BPTF: variants seen among roughly 807,000 people sequenced by gnomAD.
The protein encoded by BPTF is nucleosome-remodeling factor subunit BPTF.
In BPTF, 18 loss-of-function variants were observed where a neutral mutation model predicts 292.5. That is an observed-to-expected ratio of 0.06 (90% CI 0.04 to 0.09). The LOEUF (loss-of-function observed/expected upper bound fraction) is 0.09. Among genes scored for constraint, BPTF ranks in the 10% least tolerant of loss-of-function variants. The pLI is 1.00. For synonymous variants in BPTF, 1,225 were observed against 1,251.9 expected (o/e 0.98, Z 0.45); for missense variants, 2,726 against 3,498.7 (o/e 0.78, Z 5.57).
At chr17:67,952,596 C>T (rs565542455) in intron 23 of BPTF, among the ~76,000 whole-genome samples, 1 of 152,278 alleles carries the variant, frequency 6.6e-6, no homozygotes, top group African/African-American at 2.4e-5. Context: ...GTTTTACGTG[C>T]AGAACGTACA....
At chr17:67,922,085 G>C (rs2063490427) in intron 13 of BPTF, among the ~76,000 whole-genome samples, 1 of 151,946 alleles carries the variant, frequency 6.6e-6, no homozygotes, top group African/African-American at 2.4e-5. Context: ...CTCTGTTGAT[G>C]GGCAGAGACA....
chr17:67,892,679 A>G (rs1334266481), intron 5 of BPTF, among the ~76,000 whole-genome samples: 1 of 152,204 alleles, frequency 6.6e-6, no homozygotes, highest in Non-Finnish European at 1.5e-5. Flanking sequence ...TGGCTTTCAT[A>G]CTTCTTTTTG....
intron 3 of BPTF, among the ~76,000 whole-genome samples, chr17:67,869,989 G>A (rs867461036): frequency 7.7e-6 from 1 of 129,644 alleles, no homozygotes; most frequent in South Asian, 2.4e-4. Flanking sequence ...GACACAGAGC[G>A]AGACTCCGTC....
chr17:67,859,371 C>A (rs2058936504), intron 2 of BPTF, among the ~76,000 whole-genome samples: 1 of 152,162 alleles, frequency 6.6e-6, no homozygotes, highest in African/African-American at 2.4e-5. Context: ...GTCTCAAACT[C>A]CTGGGTTCAG....
At chr17:67,846,759 G>A (rs1227420180) in intron 1 of BPTF, among the ~76,000 whole-genome samples, 1 of 152,126 alleles carries the variant, frequency 6.6e-6, no homozygotes, top group Non-Finnish European at 1.5e-5. Context: ...GGAGTGCGGT[G>A]GTACAGTCTG....
At chr17:67,920,228 CTG>C in intron 13 of BPTF, 85 bp downstream of exon 13, 1 of 1,451,328 alleles carries the variant, frequency 6.9e-7, no homozygotes, top group Middle Eastern at 1.9e-4. Flanking sequence ...TTTTTCTTCT[CTG>C]TTCACCTTTT....
At chr17:67,914,785 A>G (rs1473858529) in intron 11 of BPTF, among the ~76,000 whole-genome samples, 2 of 152,152 alleles carry the variant, frequency 1.3e-5, no homozygotes, top group African/African-American at 4.8e-5. Context: ...CTGGAGCTGA[A>G]TTTCATGTCT....
At chr17:67,865,059 GCCT>G (rs1434549312) in intron 2 of BPTF, among the ~76,000 whole-genome samples, 1 of 152,124 alleles carries the variant, frequency 6.6e-6, no homozygotes, top group Non-Finnish European at 1.5e-5. Context: ...GCCCGCCTCA[GCCT>G]CCCAAAGTGC....
intron 7 of BPTF, among the ~76,000 whole-genome samples, chr17:67,895,549 C>A (rs1036261909): frequency 1.3e-5 from 2 of 150,922 alleles, no homozygotes; most frequent in Admixed American, 6.6e-5. Context: ...GCAGCCTTGA[C>A]CTCCCTGGGC....
At chr17:67,920,183 A>G (rs1378361613) in intron 13 of BPTF, 40 bp downstream of exon 13, 2 of 1,564,780 alleles carry the variant, frequency 1.3e-6, no homozygotes, top group East Asian at 4.5e-5. Context: ...TTAACCTGTT[A>G]ACCATGTATT....
intron 1 of BPTF, among the ~76,000 whole-genome samples, chr17:67,826,623 A>T (rs1280161402): frequency 7.8e-6 from 1 of 127,644 alleles, no homozygotes; most frequent in Non-Finnish European, 1.6e-5. Flanking sequence ...AATTTGTGCC[A>T]GTGCAGTGTC....
intron 1 of BPTF, among the ~76,000 whole-genome samples, chr17:67,828,741 T>A (rs1480144783): frequency 6.6e-6 from 1 of 152,202 alleles, no homozygotes; most frequent in Non-Finnish European, 1.5e-5. Context: ...TTGGTCAGGC[T>A]GGTCTTGAAC....
chr17:67,844,944 T>C (rs1013360667), intron 1 of BPTF, among the ~76,000 whole-genome samples: 1 of 152,106 alleles, frequency 6.6e-6, no homozygotes, highest in African/African-American at 2.4e-5. Flanking sequence ...CGTTTCTTCA[T>C]GTTGGTCAGG....
intron 13 of BPTF, among the ~76,000 whole-genome samples, chr17:67,921,747 A>G (rs2063459068): frequency 6.6e-6 from 1 of 151,760 alleles, no homozygotes; most frequent in Admixed American, 6.6e-5. Flanking sequence ...TACTTAAAAC[A>G]GCGGCCAGGT....
At chr17:67,830,058 C>G (rs1233695346) in intron 1 of BPTF, among the ~76,000 whole-genome samples, 2 of 152,130 alleles carry the variant, frequency 1.3e-5, no homozygotes, top group African/African-American at 4.8e-5. Flanking sequence ...TTCATTTTTA[C>G]TTTTTAAATT....
rs373959573 is a variant in BPTF, at chr17:67,950,045, C to G, written c.7926+1739C>G. 2.9e-4 allele frequency among the ~76,000 whole-genome samples: 22 copies of G among 77,084 alleles called. 1 individual carries two copies. The highest frequency in any genetic ancestry group is 1.3e-3 in the South Asian group (2 of 1,504). 50.6% of individuals were successfully genotyped at this position (77,084 alleles called of 152,430 possible). ...CTCCAACCTGGGCAACAGAATGAGA[C>G]TGTCTCAAAAAAAAAAAAAAAAAAA... is the stretch of plus-strand genomic sequence containing the variant. On this transcript the variant is annotated intron_variant, in intron 23 of 27. Coordinates refer to ENST00000306378, the MANE Select transcript of BPTF (RefSeq NM_182641.4).
At chr17:67,840,524 C>G (rs904976567) in intron 1 of BPTF, among the ~76,000 whole-genome samples, 1 of 151,710 alleles carries the variant, frequency 6.6e-6, no homozygotes, top group African/African-American at 2.4e-5. Flanking sequence ...CCCCTTCCCC[C>G]TTTTCCTCCT....
chr17:67,962,569 G>A (rs1377731189), intron 24 of BPTF, among the ~76,000 whole-genome samples: 3 of 152,152 alleles, frequency 2.0e-5, no homozygotes, highest in East Asian at 1.9e-4. Flanking sequence ...CCTTGTCCCC[G>A]GTGTTGAACT....
At chr17:67,909,188 GT>G (rs11415470) in intron 9 of BPTF, among the ~76,000 whole-genome samples, 4 of 118,600 alleles carry the variant, frequency 3.4e-5, no homozygotes, top group Admixed American at 8.7e-5. Flanking sequence ...ACAGTTTTTT[GT>G]TTTTTTTTTA....
Sources: allele counts gnomAD v4.1 joint callset (sites outside exome capture counted in the v4.1 genomes callset), GRCh38; gene constraint gnomAD v4.1.1; transcripts MANE v1.5; gene names NCBI Gene and HGNC (gene_info 2026-07-23, HGNC 2026-07-21).